The following CMC2 variants were observed in gnomAD, a reference collection of about 807,000 sequenced individuals.
CMC2 encodes the protein C-X9-C motif containing 2, also known as COX assembly mitochondrial protein 2 homolog.
In CMC2, 5 loss-of-function variants were observed where a neutral mutation model predicts 7.5. The observed-to-expected ratio is 0.66, with a 90% CI of 0.35 to 1.40. The LOEUF (loss-of-function observed/expected upper bound fraction) is 1.40, where lower values mean the gene tolerates loss of function less well. CMC2 is among the 40% of genes most tolerant of loss of function. The pLI is 0.04. For synonymous variants in CMC2, 37 were observed against 31.4 expected (o/e 1.18, Z -0.60); for missense variants, 115 against 92.3 (o/e 1.25, Z -1.01).
intron 1 of CMC2, chr16:81,001,126 T>A (rs975230575): frequency 6.6e-6 from 1 of 152,318 alleles, no homozygotes; most frequent in Admixed American, 6.5e-5. Context: ...TTCTCACTTA[T>A]AAGTGGGAGC....
rs1241621041 is a variant in CMC2 at position 80,971,801 on chromosome 16, G to C, written c.*4292C>G. The C allele has an allele frequency of 1.3e-5, 2 of 151,840 alleles. No individual in the cohort carries two copies. The highest frequency in any genetic ancestry group is 2.9e-5 in the Non-Finnish European group (2 of 68,002). The allele number at this position is 151,840 out of a possible 1,614,324, so 9.4% of individuals were successfully genotyped here. ...AGCAGCTATGTGAGTGTTCGTATTA[G>C]TCTGTATAGTTTTCTGTAAACCTGA... On this transcript the variant is annotated 3_prime_UTR_variant, in exon 4 of 4. Coordinates refer to ENST00000219400, the MANE Select transcript of CMC2 (RefSeq NM_020188.5).
intron 1 of CMC2, chr16:80,998,748 C>T (rs1407197677): frequency 1.3e-5 from 2 of 152,118 alleles, no homozygotes; most frequent in African/African-American, 4.8e-5. Flanking sequence ...TGAGGACATT[C>T]TGAATGAAAT....
At position 80,972,576 on chromosome 16, in the gene CMC2, T is replaced by C. The variant is rs535347206; in HGVS notation, c.*3517A>G. 7.9e-5 allele frequency: 12 copies of C among 152,174 alleles called. No individual in the cohort carries two copies. The highest frequency in any genetic ancestry group is 1.8e-4 in the Non-Finnish European group (12 of 68,022). The allele number at this position is 152,174 out of a possible 1,614,324, so 9.4% of individuals were successfully genotyped here. On this transcript the variant is annotated 3_prime_UTR_variant, in exon 4 of 4. Transcript: ENST00000219400. The stretch of plus-strand genomic sequence containing the variant: ...CTAGCCTCACTCTTAAGTAAAATTG[T>C]GTAGTGCTTCCTAAAATAAACCATT...
chr16:80,995,586 G>A (rs1968348442), intron 2 of CMC2, among the ~76,000 whole-genome samples: 1 of 152,222 alleles, frequency 6.6e-6, no homozygotes, highest in East Asian at 1.9e-4. Context: ...GAACCTGGGA[G>A]GCGGAGGTTG....
At chr16:80,995,505 A>T (rs925493850) in intron 2 of CMC2, among the ~76,000 whole-genome samples, 14 of 152,064 alleles carry the variant, frequency 9.2e-5, no homozygotes, top group Admixed American at 9.2e-4. Context: ...AAGATAAAAA[A>T]AATTAGCCAG....
intron 1 of CMC2, among the ~76,000 whole-genome samples, chr16:81,001,841 AAC>A (rs72159358): frequency 0.065 from 9,689 of 149,676 alleles, 997 homozygotes; most frequent in African/African-American, 0.22. Flanking sequence ...GTAACTACTA[AAC>A]ACACACACAC....
intron 3 of CMC2, chr16:80,980,829 G>A (rs991067394): frequency 1.3e-5 from 9 of 699,904 alleles, no homozygotes; most frequent in East Asian, 2.7e-5. Context: ...TGAGGCTTCC[G>A]TGAGTTACGA....
chr16:80,992,037 A>G (rs1394062691), intron 2 of CMC2: 2 of 432,126 alleles, frequency 4.6e-6, no homozygotes, highest in Middle Eastern at 3.4e-4. Context: ...ACGATCATGT[A>G]TCAATATTGG....
rs1181492052 is a variant in CMC2, at chr16:80,974,893, G to A, written c.*1200C>T. The A allele has an allele frequency of 1.3e-5, 2 of 152,230 alleles. No homozygotes were observed. Among genetic ancestry groups the A allele is most frequent in the Non-Finnish European group, 2.9e-5 (2 of 68,050 alleles). The allele number at this position is 152,230 out of a possible 1,614,324, so 9.4% of individuals were successfully genotyped here. A position where few individuals can be genotyped will look rare whatever the true frequency, so the allele number is the denominator to read the frequency against. On this transcript the variant is annotated 3_prime_UTR_variant, in exon 4 of 4. Coordinates refer to ENST00000219400, the MANE Select transcript of CMC2 (RefSeq NM_020188.5). ...TGTTATGCTCTGTAATCGACGTACT[G>A]AGCGAAAGTCCAGCTTCTTGAATAC...
chr16:80,981,920 G>A (rs759129978), intron 2 of CMC2, 43 bp from the exon 3 acceptor site: 24 of 1,307,832 alleles, frequency 1.8e-5, no homozygotes, highest in Middle Eastern at 3.6e-4. Flanking sequence ...CCCATAATAT[G>A]CCAAGGTTTG....
intron 3 of CMC2, chr16:80,978,453 C>T (rs1597211654): frequency 9.2e-7 from 1 of 1,086,852 alleles, no homozygotes; most frequent in Non-Finnish European, 1.2e-6. Flanking sequence ...TATGAAGTTA[C>T]TCACAAAACT....
chr16:80,980,956 T>C, intron 3 of CMC2: 1 of 551,668 alleles, frequency 1.8e-6, no homozygotes, highest in Non-Finnish European at 3.3e-6. Flanking sequence ...CTTCAAACAG[T>C]AAAGGTGAAT....
intron 1 of CMC2, among the ~76,000 whole-genome samples, chr16:81,002,277 T>C (rs1273585575): frequency 3.3e-5 from 5 of 152,024 alleles, no homozygotes; most frequent in African/African-American, 1.2e-4. Flanking sequence ...ATTCAAAAAA[T>C]TAGCTGGGCG....
chr16:80,995,676 G>C (rs2970082), intron 2 of CMC2, among the ~76,000 whole-genome samples: 1 of 152,020 alleles, frequency 6.6e-6, no homozygotes, highest in African/African-American at 2.4e-5. Context: ...AAGAATATAC[G>C]ATGTAGTGTA....
intron 2 of CMC2, 65 bp downstream of exon 2, chr16:80,997,249 T>C: frequency 1.1e-6 from 1 of 906,148 alleles, no homozygotes; most frequent in South Asian, 1.3e-5. Flanking sequence ...GGAGATAACA[T>C]TTTACATCAG....
chr16:80,996,692 A>C (rs562542439), intron 2 of CMC2, among the ~76,000 whole-genome samples: 35 of 152,348 alleles, frequency 2.3e-4, no homozygotes, highest in African/African-American at 7.9e-4. Flanking sequence ...AGAAAAAACA[A>C]ATGCTTCTTG....
chr16:80,983,050 T>A (rs1375343527), intron 2 of CMC2: 2 of 160,982 alleles, frequency 1.2e-5, no homozygotes, highest in Non-Finnish European at 2.7e-5. Context: ...ACAGATGATG[T>A]AAACTTACAA....
chr16:80,992,703 T>C (rs1597251662), intron 2 of CMC2, among the ~76,000 whole-genome samples: 3 of 74,834 alleles, frequency 4.0e-5, no homozygotes, highest in East Asian at 4.3e-4. Context: ...TTATTCCCCC[T>C]CCTTTTTTTT....
chr16:80,994,663 C>T (rs978430819), intron 2 of CMC2, among the ~76,000 whole-genome samples: 1 of 152,186 alleles, frequency 6.6e-6, no homozygotes, highest in African/African-American at 2.4e-5. Flanking sequence ...CATATCCACA[C>T]AATGGCTGAA....
Sources: allele counts gnomAD v4.1 joint callset (sites outside exome capture counted in the v4.1 genomes callset), GRCh38; gene constraint gnomAD v4.1.1; transcripts MANE v1.5; gene names NCBI Gene and HGNC (gene_info 2026-07-23, HGNC 2026-07-21).